Variants in MGA observed in about 807,000 individuals in gnomAD.
MGA encodes the protein MAX dimerization protein MGA.
Under a neutral mutation model 261.1 loss-of-function variants are expected in MGA, and 40 were observed. The ratio of observed to expected loss-of-function variants is 0.15; its 90% CI spans 0.12 to 0.20. The LOEUF (loss-of-function observed/expected upper bound fraction) is 0.20. MGA is among the 10% of genes least tolerant of loss of function. The pLI is 1.00. For missense variants in MGA, 3,397 were observed against 3,630.5 expected, an observed-to-expected ratio of 0.94 and a Z score of 1.65; for synonymous variants, 1,302 against 1,290.6, an observed-to-expected ratio of 1.01 and a Z score of -0.19.
rs1180954653 is a variant in MGA at position 41,727,397 on chromosome 15, C to G, written c.3648C>G (p.Pro1216=). Residue 1216 remains proline (P), a synonymous_variant, in exon 10 of 24, where the codon CCC becomes CCG. Coordinates refer to ENST00000219905, the MANE Select transcript of MGA (RefSeq NM_001164273.2). ...CTCCACGGTCATATACTCCCAAACCCAATCCTGTGGTAAGTCTGGAATTTA... is the reference window on the plus strand; with the variant it reads ...CTCCACGGTCATATACTCCCAAACCGAATCCTGTGGTAAGTCTGGAATTTA... 1 of 1,612,620 alleles carries G rather than the reference C, an allele frequency of 6.2e-7. No homozygotes were observed. Among genetic ancestry groups the G allele is most frequent in the Non-Finnish European group, 8.5e-7 (1 of 1,179,188 alleles).
In MGA at chr15:41,696,143, A is replaced by G. The variant is rs1566988728; in HGVS notation, c.1133A>G (p.Asn378Ser). The change falls in exon 3 of 24, where the codon AAT becomes AGT. Residue 378 changes from asparagine to serine, a missense_variant. This residue lies in a region of MGA where 563 missense variants were observed against 563.6 expected (regional missense o/e 1.00). Transcript: ENST00000219905. ...CCGTTAGACCAGAACGGAAGCTTCAATGTTGTTATTAAAGAGGAACCTCTA... is the reference window on the plus strand; with the variant it reads ...CCGTTAGACCAGAACGGAAGCTTCAGTGTTGTTATTAAAGAGGAACCTCTA... 4 of 1,613,814 alleles carry G rather than the reference A, an allele frequency of 2.5e-6. No individual in the cohort carries two copies. Among genetic ancestry groups the G allele is most frequent in the East Asian group, 2.2e-5 (1 of 44,892 alleles).
At position 41,743,109 on chromosome 15, in the gene MGA, C is replaced by T; in HGVS notation, c.5149C>T (p.Leu1717=). ...CATGGTGACCACACCAACTTCATCT[C>T]TGGGCTCTGTTCCTATTATACTCTC... Residue 1717 remains leucine, a synonymous_variant, in exon 15 of 24, where the codon CTG becomes TTG. Transcript: ENST00000219905. 1 of 1,613,830 alleles carries T rather than the reference C, an allele frequency of 6.2e-7. No homozygotes were observed. Among genetic ancestry groups the T allele is most frequent in the Non-Finnish European group, 8.5e-7 (1 of 1,179,802 alleles).
chr15:41,746,590 A>G (rs2062497616), intron 15 of MGA, among the ~76,000 whole-genome samples: 1 of 148,664 alleles, frequency 6.7e-6, no homozygotes, highest in Non-Finnish European at 1.5e-5. Flanking sequence ...TTTTTTGTTT[A>G]AATTGCACAT....
intron 1 of MGA, among the ~76,000 whole-genome samples, chr15:41,661,542 T>A (rs1040167755): frequency 6.6e-6 from 1 of 151,938 alleles, no homozygotes; most frequent in Non-Finnish European, 1.5e-5. Flanking sequence ...GTAAATGAGG[T>A]CTGAAAGGAG....
At chr15:41,703,648 A>G (rs575584366) in intron 5 of MGA, among the ~76,000 whole-genome samples, 1 of 152,118 alleles carries the variant, frequency 6.6e-6, no homozygotes, top group South Asian at 2.1e-4. Flanking sequence ...AGGCTGAGGC[A>G]GGAGAATTGC....
Position 41,734,506 on chromosome 15 carries a change from T to C in MGA, c.3844-16T>C. On this transcript the variant is annotated splice_polypyrimidine_tract_variant and intron_variant, in intron 11 of 23. Transcript: ENST00000219905. Reference sequence around the variant, plus strand: ...TATGTTAAGTTAAAGTATTTCTGTGTTACTGTCTCCTTCAGGAACCTGATT... The same window carrying C: ...TATGTTAAGTTAAAGTATTTCTGTGCTACTGTCTCCTTCAGGAACCTGATT... 6.3e-7 allele frequency: 1 copy of C among 1,593,694 alleles called. No homozygotes were observed. Among genetic ancestry groups the C allele is most frequent in the African/African-American group, 1.3e-5 (1 of 74,690 alleles).
chr15:41,680,975 A>G (rs1240330877), intron 2 of MGA, among the ~76,000 whole-genome samples: 1 of 152,174 alleles, frequency 6.6e-6, no homozygotes, highest in African/African-American at 2.4e-5. Context: ...TAGGGGGTCT[A>G]CTACAGGTCA....
Position 41,749,388 on chromosome 15 carries a change from A to G in MGA, c.5781A>G (p.Gly1927=). 6.2e-7 allele frequency: 1 copy of G among 1,614,052 alleles called. No individual in the cohort carries two copies. Among genetic ancestry groups the G allele is most frequent in the Non-Finnish European group, 8.5e-7 (1 of 1,179,894 alleles). Reference sequence around the variant, plus strand: ...AAACCAAAATAACTTATAGCTCAGGAGGACAGCCTGTTGGTACAGCCAGTC... The same window carrying G: ...AAACCAAAATAACTTATAGCTCAGGGGGACAGCCTGTTGGTACAGCCAGTC... The change falls in exon 17 of 24, where the codon GGA becomes GGG. Residue 1927 remains glycine, a synonymous_variant. Coordinates refer to ENST00000219905, the MANE Select transcript of MGA (RefSeq NM_001164273.2).
chr15:41,691,045 G>C (rs1318823043), intron 2 of MGA, among the ~76,000 whole-genome samples: 1 of 107,502 alleles, frequency 9.3e-6, no homozygotes, highest in African/African-American at 3.4e-5. Flanking sequence ...GTGAATTTTA[G>C]GGTCAGTTTG....
Position 41,764,453 on chromosome 15 carries a change from C to T in MGA, c.7745-433C>T, listed in dbSNP as rs561646551. Among the ~76,000 whole-genome samples, 68 of 152,144 alleles carry T rather than the reference C, an allele frequency of 4.5e-4. No homozygotes were observed. In the South Asian group the frequency reaches 0.011, roughly 24 times the overall value. Reference sequence around the variant, plus strand: ...TATTTTTAGTAGAGATGGGGTTTCACCGTGTTAGCCAGGATGGTCTTGATC... The same window carrying T: ...TATTTTTAGTAGAGATGGGGTTTCATCGTGTTAGCCAGGATGGTCTTGATC... On this transcript the variant is annotated intron_variant, in intron 22 of 23. Transcript: ENST00000219905.
At position 41,749,775 on chromosome 15, in the gene MGA, A is replaced by G. The variant is rs1267226196; in HGVS notation, c.6168A>G (p.Ser2056=). The change falls in exon 17 of 24, where the codon TCA becomes TCG. Residue 2056 remains serine (S), a synonymous_variant. Transcript: ENST00000219905. ...CTGAGCATTCCTGTATCACTGGGTC[A>G]CATACAGATCAAGATTATAAAGATG... is the stretch of plus-strand genomic sequence containing the variant. 5 of 1,614,030 alleles carry G rather than the reference A, an allele frequency of 3.1e-6. No homozygotes were observed. The highest frequency in any genetic ancestry group is 4.2e-6 in the Non-Finnish European group (5 of 1,179,886).
At chr15:41,730,655 T>G (rs953818668) in intron 11 of MGA, among the ~76,000 whole-genome samples, 1 of 152,178 alleles carries the variant, frequency 6.6e-6, no homozygotes, top group African/African-American at 2.4e-5. Context: ...ATGACAGCTT[T>G]TTTCAGTATA....
chr15:41,666,060 ATTT>A (rs11428325), intron 1 of MGA, among the ~76,000 whole-genome samples: 1 of 138,834 alleles, frequency 7.2e-6, no homozygotes. Flanking sequence ...CATACCTGCT[ATTT>A]TTTTTTTTTT....
chr15:41,731,478 C>T (rs2061505661), intron 11 of MGA, among the ~76,000 whole-genome samples: 1 of 151,980 alleles, frequency 6.6e-6, no homozygotes, highest in Non-Finnish European at 1.5e-5. Context: ...ACAGAAAAAG[C>T]ATCAAGTTTT....
At chr15:41,676,366 C>T (rs1320129261) in intron 2 of MGA, among the ~76,000 whole-genome samples, 1 of 152,186 alleles carries the variant, frequency 6.6e-6, no homozygotes, top group African/African-American at 2.4e-5. Context: ...GTAGAGATTT[C>T]ACTACGTTGG....
Position 41,696,723 on chromosome 15 carries a change from T to C in MGA, c.1713T>C (p.Asp571=), listed in dbSNP as rs2059564527. The change falls in exon 3 of 24, where the codon GAT becomes GAC. Residue 571 remains aspartate (D), a synonymous_variant. Transcript: ENST00000219905. ...AAAGAATACTCGACGATTCAAAGGA[T>C]TCAGTTGGAGACTCACTTTCAGGAA... 6.2e-7 allele frequency: 1 copy of C among 1,612,400 alleles called. No homozygotes were observed. Among genetic ancestry groups the C allele is most frequent in the Non-Finnish European group, 8.5e-7 (1 of 1,179,224 alleles).
intron 7 of MGA, among the ~76,000 whole-genome samples, chr15:41,709,726 G>A (rs1013990529): frequency 2.0e-5 from 3 of 151,200 alleles, no homozygotes; most frequent in East Asian, 1.9e-4. Flanking sequence ...ATGAACCCCC[G>A]TGCTCAGTCT....
intron 2 of MGA, among the ~76,000 whole-genome samples, chr15:41,672,458 C>A (rs1177837079): frequency 6.6e-6 from 1 of 152,110 alleles, no homozygotes; most frequent in Non-Finnish European, 1.5e-5. Flanking sequence ...CCCAGCCAGG[C>A]TTATTTTTTT....
At chr15:41,691,914 C>G (rs1336270976) in intron 2 of MGA, among the ~76,000 whole-genome samples, 1 of 149,324 alleles carries the variant, frequency 6.7e-6, no homozygotes, top group East Asian at 2.0e-4. Context: ...TTTTTTTTTC[C>G]TTCTATTCGT....
Sources: gnomAD v4.1 joint callset for allele counts (sites outside exome capture counted in the v4.1 genomes callset) on GRCh38, gnomAD v4.1.1 for gene constraint, gnomAD v4.1.1 regional missense constraint, MANE v1.5 for transcripts, NCBI Gene and HGNC (gene_info 2026-07-23, HGNC 2026-07-21) for gene names.